The following SCTR variants were observed in gnomAD, a reference collection of about 807,000 sequenced individuals.
SCTR encodes the protein pancreatic secretin receptor.
Under a neutral mutation model 60.8 loss-of-function variants are expected in SCTR, and 56 were observed. That is an observed-to-expected ratio of 0.92 (90% confidence interval 0.74 to 1.15). The LOEUF is 1.15. Ranked by LOEUF, SCTR falls within the 50% of genes most tolerant of loss-of-function variation. The pLI is 0.00. For missense variants in SCTR, 562 were observed against 550.4 expected (o/e 1.02, Z -0.21); for synonymous variants, 202 against 217.0 (o/e 0.93, Z 0.61).
chr2:119,524,267 G>A lies in SCTR; in HGVS notation c.-41C>T, dbSNP rs1679382384. On this transcript the variant is annotated 5_prime_UTR_variant, in exon 1 of 13. Coordinates refer to ENST00000019103, the MANE Select transcript of SCTR (RefSeq NM_002980.3). ...CCCGAGGGCGCCCCGACGTCCGCCT[G>A]CCCGTGCCCTCTGCCCGCTCGGGAG... is the stretch of plus-strand genomic sequence containing the variant. 2.2e-6 allele frequency: 3 copies of A among 1,339,216 alleles called. No individual in the cohort carries two copies. The highest frequency in any genetic ancestry group is 2.9e-6 in the Non-Finnish European group (3 of 1,024,982). 83.0% of individuals were successfully genotyped at this position (1,339,216 alleles called of 1,614,324 possible).
intron 3 of SCTR, among the ~76,000 whole-genome samples, chr2:119,475,503 C>T (rs1438820957): frequency 6.6e-6 from 1 of 151,808 alleles, no homozygotes; most frequent in African/African-American, 2.4e-5. Flanking sequence ...AAAGCAGCTG[C>T]CTCCCCACTT....
chr2:119,461,711 C>CAA (rs539293803), intron 7 of SCTR, 136 bp downstream of exon 7: 718 of 293,782 alleles, frequency 2.4e-3, no homozygotes, highest in Middle Eastern at 3.9e-3. Flanking sequence ...AACTCCAACT[C>CAA]AAAAAAAAAA....
intron 1 of SCTR, among the ~76,000 whole-genome samples, chr2:119,516,256 T>C (rs975666990): frequency 6.6e-6 from 1 of 152,126 alleles, no homozygotes; most frequent in African/African-American, 2.4e-5. Flanking sequence ...CTCGTAGAGG[T>C]ACCTGTGCCC....
intron 1 of SCTR, among the ~76,000 whole-genome samples, chr2:119,511,743 C>T (rs1256311953): frequency 1.3e-5 from 2 of 152,118 alleles, no homozygotes; most frequent in African/African-American, 4.8e-5. Context: ...CCTTGGTTTG[C>T]TCTCATTTTG....
intron 7 of SCTR, among the ~76,000 whole-genome samples, chr2:119,459,134 T>C (rs1261471972): frequency 6.6e-6 from 1 of 152,262 alleles, no homozygotes; most frequent in Non-Finnish European, 1.5e-5. Context: ...TATTCATCAC[T>C]GTGCTATTTA....
intron 4 of SCTR, among the ~76,000 whole-genome samples, chr2:119,472,726 C>T (rs1274764990): frequency 1.3e-5 from 2 of 152,198 alleles, no homozygotes; most frequent in African/African-American, 4.8e-5. Context: ...ACTGCATCCT[C>T]AAACTCTCCA....
rs114075490 is a variant in SCTR at position 119,462,573 on chromosome 2, C to A, written c.637-573G>T. Among the ~76,000 whole-genome samples the A allele has an allele frequency of 2.4e-3, 364 of 152,324 alleles. 3 individuals carry two copies. The highest frequency in any genetic ancestry group is 8.3e-3 in the African/African-American group (344 of 41,572). On this transcript the variant is annotated intron_variant, in intron 6 of 12. Transcript: ENST00000019103. ...GACTTCCCTGATGCAGTGACTGACT[C>A]TTTTAACAGGCATGTCCCCTGCAGG...
At chr2:119,443,103 G>A (rs1682716383) in intron 11 of SCTR, among the ~76,000 whole-genome samples, 1 of 152,144 alleles carries the variant, frequency 6.6e-6, no homozygotes, top group Non-Finnish European at 1.5e-5. Context: ...CATGGGCTAG[G>A]GTTGCCTGGC....
chr2:119,469,408 T>G (rs528036196), intron 4 of SCTR, among the ~76,000 whole-genome samples: 93 of 152,224 alleles, frequency 6.1e-4, no homozygotes, highest in African/African-American at 2.1e-3. Flanking sequence ...GTTCTTGCCT[T>G]GTAAGGTAGG....
At chr2:119,440,403 GT>G in intron 12 of SCTR, 146 bp from the exon 13 acceptor site, 1 of 883,864 alleles carries the variant, frequency 1.1e-6, no homozygotes, top group Non-Finnish European at 1.7e-6. Context: ...CAGATTGACT[GT>G]TTCCAGCCCC....
At chr2:119,507,774 G>A (rs985090504) in intron 1 of SCTR, among the ~76,000 whole-genome samples, 65 of 148,340 alleles carry the variant, frequency 4.4e-4, no homozygotes, top group African/African-American at 1.5e-3. Flanking sequence ...TGCCTCCCAG[G>A]TTCAAGCGAC....
At chr2:119,464,824 G>T (rs1234836398) in intron 5 of SCTR, among the ~76,000 whole-genome samples, 1 of 152,178 alleles carries the variant, frequency 6.6e-6, no homozygotes, top group African/African-American at 2.4e-5. Flanking sequence ...TTTGGGGGAG[G>T]GGTGAGGACG....
intron 7 of SCTR, 51 bp downstream of exon 7, chr2:119,461,796 A>T (rs1683614908): frequency 1.8e-5 from 27 of 1,516,098 alleles, no homozygotes; most frequent in Non-Finnish European, 2.4e-5. Flanking sequence ...CTCTCGACTC[A>T]GCACCCCTTC....
In SCTR at chr2:119,440,064, C is replaced by T; in HGVS notation, c.*53G>A. On this transcript the variant is annotated 3_prime_UTR_variant, in exon 13 of 13. Coordinates refer to ENST00000019103, the MANE Select transcript of SCTR (RefSeq NM_002980.3). ...CTGGCTGTCCCACAGCAGTGCCCAG[C>T]CTTCGCAGGACCTCTCTTGGTCTCT... 3 of 1,568,020 alleles carry T rather than the reference C, an allele frequency of 1.9e-6. No homozygotes were observed. The highest frequency in any genetic ancestry group is 2.6e-6 in the Non-Finnish European group (3 of 1,150,370).
chr2:119,483,628 A>G (rs147592242), intron 2 of SCTR, among the ~76,000 whole-genome samples: 1 of 152,366 alleles, frequency 6.6e-6, no homozygotes, highest in African/African-American at 2.4e-5. Context: ...TACATGGTTG[A>G]ACATTTTTTC....
At chr2:119,475,280 T>C (rs530218900) in intron 3 of SCTR, among the ~76,000 whole-genome samples, 45 of 152,254 alleles carry the variant, frequency 3.0e-4, no homozygotes, top group African/African-American at 8.9e-4. Flanking sequence ...GGAACACAAA[T>C]TCCCCCAAGG....
chr2:119,483,019 G>A (rs1003165454), intron 2 of SCTR, among the ~76,000 whole-genome samples: 2 of 152,250 alleles, frequency 1.3e-5, no homozygotes, highest in Non-Finnish European at 2.9e-5. Context: ...TGCCTCACTT[G>A]TGGAAAAACA....
At chr2:119,442,576 G>A (rs1682697085) in intron 11 of SCTR, among the ~76,000 whole-genome samples, 1 of 152,222 alleles carries the variant, frequency 6.6e-6, no homozygotes, top group Admixed American at 6.5e-5. Context: ...CAACTTCTCA[G>A]GGATATTGGC....
intron 5 of SCTR, 106 bp downstream of exon 5, chr2:119,465,683 G>C: frequency 1.3e-6 from 1 of 760,036 alleles, no homozygotes; most frequent in Non-Finnish European, 2.3e-6. Context: ...AGACGACAAG[G>C]TAGTTCACTC....
Sources: gnomAD v4.1 joint callset for allele counts (sites outside exome capture counted in the v4.1 genomes callset) on GRCh38, gnomAD v4.1.1 for gene constraint, MANE v1.5 for transcripts, NCBI Gene and HGNC (gene_info 2026-07-23, HGNC 2026-07-21) for gene names.